The following CNTNAP4 variants were observed in gnomAD, a reference collection of about 807,000 sequenced individuals.
CNTNAP4 encodes the protein contactin associated protein family member 4, also known as contactin-associated protein-like 4.
A neutral mutation model predicts 148.4 loss-of-function variants in CNTNAP4; 98 were observed. The observed-to-expected ratio is 0.66, with a 90% CI of 0.56 to 0.78. The LOEUF (loss-of-function observed/expected upper bound fraction) is 0.78. Ranked by LOEUF, CNTNAP4 falls within the 30% of genes least tolerant of loss-of-function variation. CNTNAP4 has a pLI of 0.00. For missense variants in CNTNAP4, 1,935 were observed against 1,565.6 expected, an observed-to-expected ratio of 1.24 and a Z score of -3.98; for synonymous variants, 730 against 565.1, an observed-to-expected ratio of 1.29 and a Z score of -4.14.
intron 21 of CNTNAP4, among the ~76,000 whole-genome samples, chr16:76,549,166 G>T (rs1445723817): frequency 6.6e-6 from 1 of 152,070 alleles, no homozygotes; most frequent in African/African-American, 2.4e-5. Context: ...AAGAATCTCA[G>T]GGGGGGATTT....
intron 2 of CNTNAP4, among the ~76,000 whole-genome samples, chr16:76,348,415 C>T (rs1409041816): frequency 6.6e-6 from 1 of 151,910 alleles, no homozygotes; most frequent in Non-Finnish European, 1.5e-5. Flanking sequence ...TTAAATTCAT[C>T]AGGCTAAGAG....
At position 76,355,384 on chromosome 16, in the gene CNTNAP4, G is replaced by T. The variant is rs532410036; in HGVS notation, c.263G>T (p.Arg88Ile). 7 of 1,609,600 alleles carry T rather than the reference G, an allele frequency of 4.3e-6. No homozygotes were observed. The highest frequency in any genetic ancestry group is 5.9e-6 in the Non-Finnish European group (7 of 1,177,688). ...YQWLQIDLGE[R>I]MEVTAVATQG... ...TGGTTGCAGATTGACCTTGGAGAGA[G>T]AATGGAGGTCACCGCTGTGGCCACT... Residue 88 changes from arginine (R) to isoleucine (I), a missense_variant, in exon 3 of 24, where the codon AGA (arginine) becomes ATA (isoleucine). Physicochemically the swap from Arg to Ile is moderately conservative, Grantham distance 97. Transcript: ENST00000611870.
chr16:76,336,256 A>G (rs907159676), intron 2 of CNTNAP4, among the ~76,000 whole-genome samples: 1 of 152,194 alleles, frequency 6.6e-6, no homozygotes, highest in African/African-American at 2.4e-5. Flanking sequence ...CATAACTGCA[A>G]TATTATTCTA....
intron 2 of CNTNAP4, among the ~76,000 whole-genome samples, chr16:76,332,327 T>A (rs866967554): frequency 7.9e-5 from 12 of 152,054 alleles, no homozygotes; most frequent in Admixed American, 2.6e-4. Flanking sequence ...GTGGTGCAAT[T>A]ATAACTCACT....
chr16:76,524,709 G>A (rs1031165952), intron 17 of CNTNAP4, among the ~76,000 whole-genome samples: 16 of 152,098 alleles, frequency 1.1e-4, no homozygotes, highest in African/African-American at 3.6e-4. Context: ...GGAGGCAATT[G>A]GTTAGGCCTT....
intron 3 of CNTNAP4, among the ~76,000 whole-genome samples, chr16:76,393,502 T>C (rs561375565): frequency 2.7e-4 from 41 of 152,178 alleles, no homozygotes; most frequent in African/African-American, 9.9e-4. Flanking sequence ...TGTACAGAGA[T>C]GAATGAGACA....
chr16:76,500,205 G>T lies in CNTNAP4; in HGVS notation c.2365+1511G>T, dbSNP rs910945802. Among the ~76,000 whole-genome samples, 11 of 151,838 alleles carry T rather than the reference G, an allele frequency of 7.2e-5. No homozygotes were observed. The East Asian group carries it at 2.0e-3, about 27-fold the overall frequency. On this transcript the variant is annotated intron_variant, in intron 15 of 23. Coordinates refer to ENST00000611870, the MANE Select transcript of CNTNAP4 (RefSeq NM_033401.5). ...GGGGGCTGCCCCCCACCTCCCTCCC[G>T]GACGGGGCGGCTGGCCTGGCAGGGG...
chr16:76,423,062 T>C (rs2079246897), intron 3 of CNTNAP4, among the ~76,000 whole-genome samples: 1 of 152,162 alleles, frequency 6.6e-6, no homozygotes, highest in Non-Finnish European at 1.5e-5. Flanking sequence ...AGACTACAGC[T>C]AGAAAGTGGC....
chr16:76,282,871 TCA>T (rs1317679747), intron 1 of CNTNAP4, among the ~76,000 whole-genome samples: 2 of 151,880 alleles, frequency 1.3e-5, no homozygotes, highest in African/African-American at 4.8e-5. Context: ...TTTCATTTTT[TCA>T]GTTTTTTTTC....
intron 15 of CNTNAP4, among the ~76,000 whole-genome samples, chr16:76,502,124 A>G (rs1338304660): frequency 2.6e-5 from 4 of 152,134 alleles, no homozygotes; most frequent in Non-Finnish European, 5.9e-5. Context: ...CCACTAATTA[A>G]TCTCTGACTT....
At chr16:76,339,586 TC>T (rs1964300957) in intron 2 of CNTNAP4, among the ~76,000 whole-genome samples, 2 of 152,354 alleles carry the variant, frequency 1.3e-5, no homozygotes, top group South Asian at 4.1e-4. Context: ...GAATTTAAGA[TC>T]GTTTGAAATG....
intron 3 of CNTNAP4, among the ~76,000 whole-genome samples, chr16:76,377,959 TC>T (rs1368123512): frequency 6.6e-6 from 1 of 152,186 alleles, no homozygotes; most frequent in African/African-American, 2.4e-5. Context: ...ATTTCATTTT[TC>T]TAGAAGAATA....
At chr16:76,297,899 AAT>A (rs1334423272) in intron 1 of CNTNAP4, among the ~76,000 whole-genome samples, 1 of 152,210 alleles carries the variant, frequency 6.6e-6, no homozygotes, top group Non-Finnish European at 1.5e-5. Context: ...TAGAATCAGA[AAT>A]AGTCTCTGCT....
chr16:76,541,708 A>C (rs1172880675), intron 21 of CNTNAP4, among the ~76,000 whole-genome samples: 1 of 152,200 alleles, frequency 6.6e-6, no homozygotes, highest in East Asian at 1.9e-4. Flanking sequence ...TGAATGATCA[A>C]AATATTGGCC....
chr16:76,461,071 G>A (rs1049155456), intron 8 of CNTNAP4, among the ~76,000 whole-genome samples: 27 of 151,974 alleles, frequency 1.8e-4, no homozygotes, highest in African/African-American at 5.8e-4. Flanking sequence ...TAACTCATGC[G>A]TGAATGAAAC....
intron 2 of CNTNAP4, among the ~76,000 whole-genome samples, chr16:76,351,127 C>T (rs910722676): frequency 2.6e-5 from 4 of 152,170 alleles, no homozygotes; most frequent in Admixed American, 1.3e-4. Flanking sequence ...GGTCAAATAA[C>T]ACTTAACTAG....
chr16:76,391,061 C>T (rs965846043), intron 3 of CNTNAP4, among the ~76,000 whole-genome samples: 1 of 152,116 alleles, frequency 6.6e-6, no homozygotes, highest in African/African-American at 2.4e-5. Context: ...TTATTATTGA[C>T]TATAGTCACC....
chr16:76,407,238 G>A (rs889695199), intron 3 of CNTNAP4, among the ~76,000 whole-genome samples: 3 of 152,048 alleles, frequency 2.0e-5, no homozygotes, highest in Non-Finnish European at 4.4e-5. Flanking sequence ...ACCCACTATT[G>A]AAGCCTACCG....
intron 4 of CNTNAP4, among the ~76,000 whole-genome samples, chr16:76,431,893 G>A (rs1313971113): frequency 1.4e-5 from 2 of 147,610 alleles, no homozygotes; most frequent in African/African-American, 5.0e-5. Flanking sequence ...ATTGTGGAAG[G>A]AAACAAGAGA....
Sources: allele counts gnomAD v4.1 joint callset (sites outside exome capture counted in the v4.1 genomes callset), GRCh38; gene constraint gnomAD v4.1.1; transcripts MANE v1.5; gene names NCBI Gene and HGNC (gene_info 2026-07-23, HGNC 2026-07-21).